FER: variants seen among roughly 807,000 people sequenced by gnomAD.
FER encodes tyrosine-protein kinase Fer.
FER carries 63 observed loss-of-function variants against 111.0 expected under a neutral mutation model. The observed-to-expected ratio is 0.57, with a 90% CI of 0.46 to 0.70. FER has a LOEUF of 0.70. Among genes scored for constraint, FER ranks in the 30% least tolerant of loss-of-function variants. FER has a pLI of 0.00. For synonymous variants in FER, 327 were observed against 313.9 expected (o/e 1.04, Z -0.44); for missense variants, 914 against 954.0 (o/e 0.96, Z 0.55).
intron 17 of FER, among the ~76,000 whole-genome samples, chr5:109,158,381 T>C (rs528335855): frequency 6.6e-5 from 10 of 152,194 alleles, no homozygotes; most frequent in African/African-American, 2.4e-4. Context: ...CCAGCCTGGG[T>C]GACAGAGTGA....
chr5:108,822,943 T>C (rs971566736), intron 3 of FER, among the ~76,000 whole-genome samples: 1 of 151,478 alleles, frequency 6.6e-6, no homozygotes, highest in Non-Finnish European at 1.5e-5. Flanking sequence ...CCATCTCGGC[T>C]CACTGCAGCC....
At chr5:109,174,304 T>C (rs1296161643) in intron 17 of FER, among the ~76,000 whole-genome samples, 1 of 152,148 alleles carries the variant, frequency 6.6e-6, no homozygotes, top group African/African-American at 2.4e-5. Flanking sequence ...ATAAGGTAGA[T>C]TCTGAAATGG....
At chr5:108,923,275 A>G (rs965915668) in intron 10 of FER, among the ~76,000 whole-genome samples, 2 of 152,084 alleles carry the variant, frequency 1.3e-5, no homozygotes, top group African/African-American at 4.8e-5. Flanking sequence ...GTTGCGGACA[A>G]TAAAATTTAA....
chr5:109,009,539 C>T (rs1765968585), intron 13 of FER, among the ~76,000 whole-genome samples: 1 of 152,244 alleles, frequency 6.6e-6, no homozygotes, highest in Non-Finnish European at 1.5e-5. Flanking sequence ...CAGCCCTCAG[C>T]CTGTTTGAAA....
chr5:108,856,235 A>G (rs912915991), intron 5 of FER, among the ~76,000 whole-genome samples: 1 of 152,164 alleles, frequency 6.6e-6, no homozygotes, highest in Non-Finnish European at 1.5e-5. Context: ...CTTCAGAGTA[A>G]TTTTTAAAAA....
At chr5:109,107,252 A>G (rs910998738) in intron 17 of FER, among the ~76,000 whole-genome samples, 2 of 152,214 alleles carry the variant, frequency 1.3e-5, no homozygotes, top group Non-Finnish European at 2.9e-5. Context: ...TTAAACAATT[A>G]CAAATGGTTA....
chr5:109,145,530 C>T (rs1753993640), intron 17 of FER, among the ~76,000 whole-genome samples: 1 of 151,976 alleles, frequency 6.6e-6, no homozygotes, highest in Non-Finnish European at 1.5e-5. Flanking sequence ...CGCAACTTTT[C>T]TCCCCTCTGT....
chr5:109,146,302 A>G, intron 17 of FER, among the ~76,000 whole-genome samples: 1 of 109,872 alleles, frequency 9.1e-6, no homozygotes, highest in African/African-American at 3.6e-5. Context: ...CTTGGGTAGC[A>G]CTTTTCTAGT....
At chr5:109,039,140 A>G (rs1234159109) in intron 14 of FER, among the ~76,000 whole-genome samples, 7 of 152,020 alleles carry the variant, frequency 4.6e-5, no homozygotes, top group Non-Finnish European at 8.8e-5. Context: ...AATTAAGACA[A>G]TTAGCCATGA....
At chr5:108,959,432 G>A (rs943451405) in intron 13 of FER, 85 bp downstream of exon 13, 3 of 1,372,988 alleles carry the variant, frequency 2.2e-6, no homozygotes, top group Non-Finnish European at 2.9e-6. Context: ...AAAATTCTTA[G>A]GTTATATGCT....
intron 13 of FER, among the ~76,000 whole-genome samples, chr5:108,979,713 A>G (rs899349699): frequency 2.0e-5 from 3 of 148,776 alleles, no homozygotes; most frequent in Non-Finnish European, 4.5e-5. Context: ...CAATTTTTCT[A>G]TGTTGACTAA....
At chr5:108,870,041 C>T (rs767525966) in intron 6 of FER, among the ~76,000 whole-genome samples, 9 of 151,974 alleles carry the variant, frequency 5.9e-5, no homozygotes, top group Non-Finnish European at 1.0e-4. Flanking sequence ...TCCTTTCCTA[C>T]TTTCATTTAT....
intron 10 of FER, among the ~76,000 whole-genome samples, chr5:108,923,429 G>A (rs1028688695): frequency 6.6e-6 from 1 of 151,986 alleles, no homozygotes; most frequent in Non-Finnish European, 1.5e-5. Flanking sequence ...TGTGACCCAG[G>A]GAAGTTTTAC....
intron 16 of FER, chr5:109,051,313 T>C (rs1454510182): frequency 1.3e-6 from 2 of 1,561,386 alleles, no homozygotes; most frequent in Non-Finnish European, 1.8e-6. Context: ...AGCCTGTATC[T>C]AGATCTCCAG....
intron 9 of FER, among the ~76,000 whole-genome samples, chr5:108,891,082 G>C (rs776484716): frequency 7.2e-5 from 11 of 152,032 alleles, no homozygotes; most frequent in Non-Finnish European, 1.6e-4. Flanking sequence ...AAGATGTGTA[G>C]TGATATCTCA....
At position 109,028,287 on chromosome 5, in the gene FER, TGAA is replaced by T. The variant is rs368433917; in HGVS notation, c.1657-9132_1657-9130del. 4.3e-3 allele frequency among the ~76,000 whole-genome samples: 660 copies of T among 152,316 alleles called. 4 individuals carry two copies. Among genetic ancestry groups the T allele is most frequent in the African/African-American group, 0.015 (639 of 41,588 alleles). ...ATTATAATCTAATGAATGCAGTAGA[TGAA>T]GAGCAATCTATAATTCATTTGCATA... On this transcript the variant is annotated intron_variant, in intron 13 of 19. Transcript: ENST00000281092.
intron 13 of FER, among the ~76,000 whole-genome samples, chr5:109,013,362 G>A (rs923575594): frequency 1.3e-5 from 2 of 151,362 alleles, no homozygotes; most frequent in African/African-American, 4.9e-5. Context: ...AGTTTACTGA[G>A]AATGATGATT....
At chr5:108,857,125 TTC>T in intron 5 of FER, among the ~76,000 whole-genome samples, 2 of 152,268 alleles carry the variant, frequency 1.3e-5, no homozygotes, top group Middle Eastern at 6.8e-3. Context: ...CTTTATGCTT[TTC>T]TGTCTCTGTA....
intron 5 of FER, among the ~76,000 whole-genome samples, chr5:108,839,150 G>A (rs1372180669): frequency 6.6e-6 from 1 of 152,182 alleles, no homozygotes; most frequent in East Asian, 1.9e-4. Context: ...GCCCATGTCA[G>A]TGCCTCTTAT....
Sources: gnomAD v4.1 joint callset for allele counts (sites outside exome capture counted in the v4.1 genomes callset) on GRCh38, gnomAD v4.1.1 for gene constraint, MANE v1.5 for transcripts, NCBI Gene and HGNC (gene_info 2026-07-23, HGNC 2026-07-21) for gene names.